CRYBG1: variants seen among roughly 807,000 people sequenced by gnomAD.
CRYBG1 encodes beta/gamma crystallin domain-containing protein 1.
CRYBG1 carries 139 observed loss-of-function variants against 189.2 expected under a neutral mutation model. That is an observed-to-expected ratio of 0.73 (90% CI 0.64 to 0.85). The LOEUF (loss-of-function observed/expected upper bound fraction) is 0.85. Among genes scored for constraint, CRYBG1 ranks in the 40% least tolerant of loss-of-function variants. The probability of loss-of-function intolerance (pLI) is 0.00; values close to 1 mark genes in which losing one functional copy is unlikely to be tolerated. For synonymous variants in CRYBG1, 1,023 were observed against 1,017.1 expected (o/e 1.01, Z -0.11); for missense variants, 2,611 against 2,675.8 (o/e 0.98, Z 0.53).
intron 1 of CRYBG1, 195 bp from the exon 2 acceptor site, chr6:106,451,499 A>C (rs1469421761): frequency 4.5e-6 from 2 of 443,696 alleles, no homozygotes; most frequent in African/African-American, 2.0e-5. Flanking sequence ...CACAGGGTGA[A>C]GTCATCCAGG....
At chr6:106,472,738 T>C (rs2114469226) in intron 2 of CRYBG1, among the ~76,000 whole-genome samples, 1 of 99,154 alleles carries the variant, frequency 1.0e-5, no homozygotes, top group East Asian at 4.0e-4. Context: ...CCACAAAATA[T>C]TAAAAAAAAA....
chr6:106,483,403 A>ATATATATATATAT (rs1448906912), intron 2 of CRYBG1, among the ~76,000 whole-genome samples: 1 of 105,168 alleles, frequency 9.5e-6, no homozygotes, highest in African/African-American at 2.7e-5. Context: ...TATATATATA[A>ATATATATATATAT]AACATTTTCT....
At chr6:106,528,759 C>T (rs1349954337) in intron 7 of CRYBG1, among the ~76,000 whole-genome samples, 1 of 152,086 alleles carries the variant, frequency 6.6e-6, no homozygotes, top group Non-Finnish European at 1.5e-5. Flanking sequence ...CATGTTACCA[C>T]AGGTTTAGGG....
chr6:106,557,408 ATTT>A (rs11337967), intron 17 of CRYBG1, among the ~76,000 whole-genome samples: 2 of 144,954 alleles, frequency 1.4e-5, no homozygotes, highest in Non-Finnish European at 1.5e-5. Flanking sequence ...ACATGCTTTT[ATTT>A]TTTTTTTTTT....
At chr6:106,361,256 C>A (rs1310245745) in intron 1 of CRYBG1, among the ~76,000 whole-genome samples, 175 bp downstream of exon 1, 1 of 152,188 alleles carries the variant, frequency 6.6e-6, no homozygotes, top group Admixed American at 6.5e-5. Context: ...CTGGGGTTGA[C>A]GAGGTTCCTC....
intron 3 of CRYBG1, 111 bp from the exon 4 acceptor site, chr6:106,519,020 T>A: frequency 9.6e-7 from 1 of 1,039,768 alleles, no homozygotes; most frequent in Non-Finnish European, 1.4e-6. Context: ...ACACTCCAAA[T>A]GTTATATATC....
At chr6:106,492,607 T>G (rs1772749518) in intron 2 of CRYBG1, among the ~76,000 whole-genome samples, 2 of 152,102 alleles carry the variant, frequency 1.3e-5, no homozygotes, top group Non-Finnish European at 2.9e-5. Context: ...TTTTAAGTAT[T>G]TATTCAAACG....
At chr6:106,541,378 G>A (rs1774125978) in intron 9 of CRYBG1, 3 of 675,966 alleles carry the variant, frequency 4.4e-6, no homozygotes, top group African/African-American at 1.8e-5. Flanking sequence ...TCAGCTTATA[G>A]ACTGCTTGTG....
Position 106,425,327 on chromosome 6 carries a change from CT to C in CRYBG1, c.174-26366del, listed in dbSNP as rs1214501353. On this transcript the variant is annotated intron_variant, in intron 1 of 21. Coordinates refer to ENST00000633556, the MANE Select transcript of CRYBG1 (RefSeq NM_001371242.2). Reference sequence around the variant, plus strand: ...CTTGCACCTTTGCTTCTCAGTTTCGCTGCCTGTCCCACCTCCGCCACACTCA... The same window carrying C: ...CTTGCACCTTTGCTTCTCAGTTTCGCGCCTGTCCCACCTCCGCCACACTCA... Among the ~76,000 whole-genome samples, 3 of 152,274 alleles carry C rather than the reference CT, an allele frequency of 2.0e-5. No homozygotes were observed. The East Asian group carries it at 5.8e-4, about 30-fold the overall frequency.
intron 2 of CRYBG1, among the ~76,000 whole-genome samples, chr6:106,490,340 T>C (rs1772692365): frequency 6.6e-6 from 1 of 152,142 alleles, no homozygotes; most frequent in African/African-American, 2.4e-5. Context: ...AGAAAGAAAA[T>C]TCTGTAGCTT....
At chr6:106,431,339 GCAGATTCTTTCCT>G (rs1427490880) in intron 1 of CRYBG1, among the ~76,000 whole-genome samples, 11 of 152,120 alleles carry the variant, frequency 7.2e-5, no homozygotes, top group African/African-American at 2.4e-4. Context: ...TTCATTTAGT[GCAGATTCTTTCCT>G]CACACAGTCT....
intron 1 of CRYBG1, among the ~76,000 whole-genome samples, chr6:106,394,073 T>C (rs803522): frequency 0.88 from 133,998 of 152,220 alleles, 59,162 homozygotes; most frequent in African/African-American, 0.94. Context: ...TGGATTTCAG[T>C]ACAGCCTAGA....
chr6:106,366,205 G>A (rs1440136793), intron 1 of CRYBG1, among the ~76,000 whole-genome samples: 1 of 152,170 alleles, frequency 6.6e-6, no homozygotes, highest in Admixed American at 6.5e-5. Flanking sequence ...ACTCTAAACA[G>A]GTTTAATTAT....
chr6:106,376,142 T>C (rs1452265063), intron 1 of CRYBG1, among the ~76,000 whole-genome samples: 2 of 152,234 alleles, frequency 1.3e-5, no homozygotes, highest in East Asian at 1.9e-4. Context: ...ACTGTTAACA[T>C]TGTGTTCCTT....
chr6:106,362,528 G>T (rs1040223759), intron 1 of CRYBG1, among the ~76,000 whole-genome samples: 2 of 152,202 alleles, frequency 1.3e-5, no homozygotes, highest in African/African-American at 4.8e-5. Flanking sequence ...GGAGCAGCGA[G>T]TTCCAGGCAG....
At chr6:106,398,774 T>C (rs2114350139) in intron 1 of CRYBG1, among the ~76,000 whole-genome samples, 1 of 152,320 alleles carries the variant, frequency 6.6e-6, no homozygotes, top group South Asian at 2.1e-4. Flanking sequence ...TTTCATATCT[T>C]CTTAGTCCCT....
chr6:106,377,621 T>A (rs2353596), intron 1 of CRYBG1, among the ~76,000 whole-genome samples: 87 of 69,448 alleles, frequency 1.3e-3, no homozygotes, highest in South Asian at 2.1e-3. Context: ...TCCTAAGGTT[T>A]TATATATATA....
At chr6:106,425,325 C>T (rs1013845709) in intron 1 of CRYBG1, among the ~76,000 whole-genome samples, 4 of 152,118 alleles carry the variant, frequency 2.6e-5, no homozygotes, top group African/African-American at 9.7e-5. Context: ...TTCTCAGTTT[C>T]GCTGCCTGTC....
chr6:106,432,929 T>C (rs766879159), intron 1 of CRYBG1, among the ~76,000 whole-genome samples: 5 of 150,562 alleles, frequency 3.3e-5, no homozygotes, highest in Non-Finnish European at 5.9e-5. Flanking sequence ...AACCTCTGTC[T>C]CCTGGGTTCA....
Sources: allele counts gnomAD v4.1 joint callset (sites outside exome capture counted in the v4.1 genomes callset), GRCh38; gene constraint gnomAD v4.1.1; transcripts MANE v1.5; gene names NCBI Gene and HGNC (gene_info 2026-07-23, HGNC 2026-07-21).